The following FAM107B variants were observed in gnomAD, a reference collection of about 807,000 sequenced individuals.
The protein encoded by FAM107B is family with sequence similarity 107 member B, also known as protein FAM107B.
Under a neutral mutation model 31.5 loss-of-function variants are expected in FAM107B, and 21 were observed. The observed-to-expected ratio is 0.67, with a 90% CI of 0.47 to 0.96. The LOEUF (loss-of-function observed/expected upper bound fraction) is 0.96. Ranked by LOEUF, FAM107B falls within the 40% of genes least tolerant of loss-of-function variation. The pLI, the probability that FAM107B is intolerant of heterozygous loss-of-function variation, is 0.00. For missense variants in FAM107B, 452 were observed against 377.1 expected, an observed-to-expected ratio of 1.20 and a Z score of -1.64; for synonymous variants, 157 against 141.5, an observed-to-expected ratio of 1.11 and a Z score of -0.78.
chr10:14,629,176 C>A (rs1197645595), intron 2 of FAM107B, among the ~76,000 whole-genome samples: 1 of 132,696 alleles, frequency 7.5e-6, no homozygotes, highest in Non-Finnish European at 1.6e-5. Flanking sequence ...TAACCACGGA[C>A]ATAAAAAGTA....
At chr10:14,543,570 T>C (rs1324797132) in intron 2 of FAM107B, among the ~76,000 whole-genome samples, 1 of 151,988 alleles carries the variant, frequency 6.6e-6, no homozygotes, top group Non-Finnish European at 1.5e-5. Flanking sequence ...CTGCACTGTG[T>C]CCTTCCTGTT....
chr10:14,684,561 T>G (rs1854926178), intron 1 of FAM107B, among the ~76,000 whole-genome samples: 1 of 152,296 alleles, frequency 6.6e-6, no homozygotes, highest in South Asian at 2.1e-4. Flanking sequence ...AATAGCCTAA[T>G]ATGTTAGGAT....
chr10:14,703,816 AT>A (rs1222961422), intron 1 of FAM107B, among the ~76,000 whole-genome samples: 1 of 152,156 alleles, frequency 6.6e-6, no homozygotes, highest in Admixed American at 6.5e-5. Flanking sequence ...TGCTGTCTCG[AT>A]TTTTTTAAGG....
intron 2 of FAM107B, among the ~76,000 whole-genome samples, chr10:14,638,014 T>C (rs1017493175): frequency 2.0e-5 from 3 of 152,126 alleles, no homozygotes; most frequent in Non-Finnish European, 4.4e-5. Flanking sequence ...ATCATAAATA[T>C]ATGTTGTGCT....
chr10:14,620,638 C>T (rs1189179664), intron 2 of FAM107B, among the ~76,000 whole-genome samples: 1 of 152,094 alleles, frequency 6.6e-6, no homozygotes, highest in Non-Finnish European at 1.5e-5. Context: ...CCCATCAACC[C>T]GTCAACTACA....
chr10:14,644,442 T>C (rs1457838996), intron 2 of FAM107B, among the ~76,000 whole-genome samples: 1 of 152,240 alleles, frequency 6.6e-6, no homozygotes, highest in African/African-American at 2.4e-5. Flanking sequence ...TGTTCTTTCA[T>C]GCGTATGCTG....
At chr10:14,592,383 T>C (rs77610675) in intron 2 of FAM107B, among the ~76,000 whole-genome samples, 2 of 152,088 alleles carry the variant, frequency 1.3e-5, no homozygotes, top group African/African-American at 2.4e-5. Flanking sequence ...GGGAAAGCCA[T>C]TCACATAAAA....
chr10:14,680,301 C>T (rs1283740798), intron 1 of FAM107B, among the ~76,000 whole-genome samples: 1 of 152,044 alleles, frequency 6.6e-6, no homozygotes, highest in East Asian at 1.9e-4. Context: ...GGGCCGGGTG[C>T]GGTGGCTCAT....
At chr10:14,714,372 G>A (rs1855734121) in intron 1 of FAM107B, among the ~76,000 whole-genome samples, 1 of 152,238 alleles carries the variant, frequency 6.6e-6, no homozygotes, top group African/African-American at 2.4e-5. Flanking sequence ...CATGGGCACA[G>A]AGGTTTGGTG....
At chr10:14,589,630 G>A (rs1851952592) in intron 2 of FAM107B, among the ~76,000 whole-genome samples, 1 of 152,136 alleles carries the variant, frequency 6.6e-6, no homozygotes, top group Non-Finnish European at 1.5e-5. Context: ...ACCATAGGGT[G>A]AATAAGAGTA....
intron 1 of FAM107B, among the ~76,000 whole-genome samples, chr10:14,749,519 AT>A (rs1331446317): frequency 6.6e-6 from 1 of 152,166 alleles, no homozygotes; most frequent in Non-Finnish European, 1.5e-5. Flanking sequence ...TTATATAATA[AT>A]TTCCCCTGGC....
At position 14,572,208 on chromosome 10, in the gene FAM107B, A is replaced by G. The variant is rs1004994590; in HGVS notation, c.470-41693T>C. ...AAACAATGAAAAACAAACCGTACCAACTCTGGTACCAGTTACTGACCTTCC... is the reference window on the plus strand; with the variant it reads ...AAACAATGAAAAACAAACCGTACCAGCTCTGGTACCAGTTACTGACCTTCC... On this transcript the variant is annotated intron_variant, in intron 2 of 4. Coordinates refer to ENST00000181796, the MANE Select transcript of FAM107B (RefSeq NM_031453.4). 9 of 985,144 alleles carry G rather than the reference A, an allele frequency of 9.1e-6. No individual in the cohort carries two copies. In the South Asian group the frequency reaches 3.8e-4, roughly 41 times the overall value. The allele number at this position is 985,144 out of a possible 1,614,324, so 61.0% of individuals were successfully genotyped here.
At chr10:14,548,258 G>T (rs1026721269) in intron 2 of FAM107B, among the ~76,000 whole-genome samples, 3 of 152,082 alleles carry the variant, frequency 2.0e-5, no homozygotes, top group Non-Finnish European at 2.9e-5. Context: ...GAGAGCAGAC[G>T]CGACAGACGC....
At chr10:14,587,014 G>A (rs986190994) in intron 2 of FAM107B, among the ~76,000 whole-genome samples, 1 of 152,226 alleles carries the variant, frequency 6.6e-6, no homozygotes, top group African/African-American at 2.4e-5. Flanking sequence ...AGGTGAGAGT[G>A]TAAACAATCA....
At chr10:14,730,890 C>A (rs1469814565) in intron 1 of FAM107B, among the ~76,000 whole-genome samples, 1 of 151,988 alleles carries the variant, frequency 6.6e-6, no homozygotes, top group Non-Finnish European at 1.5e-5. Context: ...CATGAATGGA[C>A]AGTGGACAGA....
At chr10:14,676,049 T>C (rs1212539342) in intron 1 of FAM107B, among the ~76,000 whole-genome samples, 1 of 152,114 alleles carries the variant, frequency 6.6e-6, no homozygotes, top group Non-Finnish European at 1.5e-5. Context: ...TCCCAGCTAC[T>C]TGGGGGGCTG....
At chr10:14,589,281 G>T (rs1273475527) in intron 2 of FAM107B, among the ~76,000 whole-genome samples, 1 of 151,802 alleles carries the variant, frequency 6.6e-6, no homozygotes. Flanking sequence ...TTTATCAAAA[G>T]AAAGAAACTA....
At chr10:14,649,173 C>T (rs146840709) in intron 2 of FAM107B, among the ~76,000 whole-genome samples, 17 of 152,322 alleles carry the variant, frequency 1.1e-4, no homozygotes, top group African/African-American at 4.1e-4. Flanking sequence ...TGCTGACTAA[C>T]ATTAGCATTA....
At chr10:14,719,507 A>G (rs1209275067) in intron 1 of FAM107B, among the ~76,000 whole-genome samples, 3 of 152,168 alleles carry the variant, frequency 2.0e-5, no homozygotes, top group Non-Finnish European at 4.4e-5. Flanking sequence ...TGGGCTAGCC[A>G]TTTGTTCCAG....
Sources: allele counts gnomAD v4.1 joint callset (sites outside exome capture counted in the v4.1 genomes callset), GRCh38; gene constraint gnomAD v4.1.1; transcripts MANE v1.5; gene names NCBI Gene and HGNC (gene_info 2026-07-23, HGNC 2026-07-21).